The following DTWD2 variants were observed in gnomAD, a reference collection of about 807,000 sequenced individuals.
DTWD2 encodes the protein tRNA-uridine aminocarboxypropyltransferase 2.
In DTWD2, 39 loss-of-function variants were observed where a neutral mutation model predicts 31.8. The observed-to-expected ratio is 1.22, with a 90% confidence interval of 0.95 to 1.60. The LOEUF is 1.60. Among genes scored for constraint, DTWD2 ranks in the 40% most tolerant of loss-of-function variants. The pLI is 0.00. For missense variants in DTWD2, 515 were observed against 381.5 expected (o/e 1.35, Z -2.92); for synonymous variants, 180 against 142.8 (o/e 1.26, Z -1.86).
chr5:118,982,419 CAT>C (rs1179712029), intron 1 of DTWD2, among the ~76,000 whole-genome samples: 1 of 152,144 alleles, frequency 6.6e-6, no homozygotes, highest in Non-Finnish European at 1.5e-5. Flanking sequence ...TCCCTCTTGA[CAT>C]ATATCATTGC....
intron 1 of DTWD2, among the ~76,000 whole-genome samples, chr5:118,987,568 C>T (rs1372109346): frequency 6.6e-6 from 1 of 152,226 alleles, no homozygotes. Flanking sequence ...CTTTCCTTCA[C>T]TGCTTTTTTC....
intron 4 of DTWD2, among the ~76,000 whole-genome samples, chr5:118,890,339 T>A (rs1752950817): frequency 6.6e-6 from 1 of 152,148 alleles, no homozygotes; most frequent in South Asian, 2.1e-4. Flanking sequence ...GTAATTCACA[T>A]TTTATACATT....
chr5:118,895,553 A>T (rs1170099461), intron 4 of DTWD2, among the ~76,000 whole-genome samples: 3 of 152,228 alleles, frequency 2.0e-5, no homozygotes. Context: ...TGAATAGCTA[A>T]AGCAATTTTG....
chr5:118,913,432 T>TATATATAC (rs1554066461), intron 4 of DTWD2, among the ~76,000 whole-genome samples: 1 of 137,722 alleles, frequency 7.3e-6, no homozygotes, highest in Non-Finnish European at 1.6e-5. Context: ...TATATATATA[T>TATATATAC]ACACACACAC....
intron 3 of DTWD2, among the ~76,000 whole-genome samples, chr5:118,937,871 G>T (rs1019030988): frequency 6.6e-6 from 1 of 150,406 alleles, no homozygotes; most frequent in African/African-American, 2.4e-5. Context: ...CATGCATTTT[G>T]GCTTCACTTC....
chr5:118,921,260 T>C (rs1459777878), intron 4 of DTWD2, among the ~76,000 whole-genome samples: 1 of 152,040 alleles, frequency 6.6e-6, no homozygotes, highest in Non-Finnish European at 1.5e-5. Context: ...GGTAAAAAAG[T>C]AAATCCCTTG....
chr5:118,961,159 T>C (rs1222754661), intron 1 of DTWD2, among the ~76,000 whole-genome samples: 2 of 152,168 alleles, frequency 1.3e-5, no homozygotes, highest in Non-Finnish European at 2.9e-5. Flanking sequence ...GTCTCATGTC[T>C]AGAGAGATGA....
intron 4 of DTWD2, among the ~76,000 whole-genome samples, chr5:118,871,530 C>T (rs1259016788): frequency 6.6e-6 from 1 of 152,166 alleles, no homozygotes; most frequent in Admixed American, 6.5e-5. Context: ...GACGTTGTAT[C>T]AGCAGGAGTG....
At chr5:118,971,564 A>T (rs930128938) in intron 1 of DTWD2, among the ~76,000 whole-genome samples, 3 of 152,194 alleles carry the variant, frequency 2.0e-5, no homozygotes, top group Non-Finnish European at 4.4e-5. Context: ...ACAATATTAG[A>T]CAGATGATCA....
intron 5 of DTWD2, among the ~76,000 whole-genome samples, chr5:118,847,399 TA>T (rs963836068): frequency 6.6e-6 from 1 of 152,112 alleles, no homozygotes; most frequent in Non-Finnish European, 1.5e-5. Flanking sequence ...TTTCAATAAT[TA>T]AAAAACCCTA....
At position 118,980,515 on chromosome 5, in the gene DTWD2, AT is replaced by A. The variant is rs530912940; in HGVS notation, c.218+7778del. 5.9e-3 allele frequency among the ~76,000 whole-genome samples: 895 copies of A among 152,310 alleles called. 2 individuals are homozygous for A. Among genetic ancestry groups the A allele is most frequent in the Middle Eastern group, 0.01 (3 of 294 alleles). On this transcript the variant is annotated intron_variant, in intron 1 of 5. Coordinates refer to ENST00000510708, the MANE Select transcript of DTWD2 (RefSeq NM_173666.4). ...GCCTACCAAAAGGACTTGAATAGAC[AT>A]TTTTCCAAAGAAGATATGCAAATGG...
chr5:118,944,447 C>T, intron 2 of DTWD2, 112 bp downstream of exon 2: 1 of 1,103,220 alleles, frequency 9.1e-7, no homozygotes, highest in Non-Finnish European at 1.3e-6. Flanking sequence ...CATTTATCAC[C>T]AACTTCTTTT....
chr5:118,919,219 G>C (rs1281493331), intron 4 of DTWD2, among the ~76,000 whole-genome samples: 1 of 152,204 alleles, frequency 6.6e-6, no homozygotes, highest in Non-Finnish European at 1.5e-5. Context: ...GCTGGTGCAA[G>C]AGTTGGAAGC....
At chr5:118,900,146 T>A (rs1048842388) in intron 4 of DTWD2, among the ~76,000 whole-genome samples, 11 of 152,114 alleles carry the variant, frequency 7.2e-5, no homozygotes, top group African/African-American at 2.7e-4. Flanking sequence ...TCACCAACAT[T>A]ATGTTTATGT....
chr5:118,934,820 A>G (rs1418564224), intron 3 of DTWD2, among the ~76,000 whole-genome samples: 1 of 152,228 alleles, frequency 6.6e-6, no homozygotes, highest in African/African-American at 2.4e-5. Flanking sequence ...CCCATACCAT[A>G]TAAACACTAG....
At chr5:118,983,044 C>T (rs1056938751) in intron 1 of DTWD2, among the ~76,000 whole-genome samples, 5 of 152,152 alleles carry the variant, frequency 3.3e-5, no homozygotes, top group African/African-American at 7.2e-5. Flanking sequence ...AGTTATTCTA[C>T]ATTAACTACC....
intron 1 of DTWD2, among the ~76,000 whole-genome samples, chr5:118,980,448 G>A (rs1755275673): frequency 6.6e-6 from 1 of 152,232 alleles, no homozygotes; most frequent in Non-Finnish European, 1.5e-5. Flanking sequence ...TTTTGCCAGT[G>A]TCCATGAAAC....
chr5:118,845,835 A>C (rs1192304349), intron 5 of DTWD2, among the ~76,000 whole-genome samples: 2 of 152,212 alleles, frequency 1.3e-5, no homozygotes, highest in African/African-American at 4.8e-5. Flanking sequence ...AGTTGTCACA[A>C]TAAGGATTCC....
At chr5:118,847,963 A>G in intron 5 of DTWD2, 127 bp downstream of exon 5, 1 of 1,066,788 alleles carries the variant, frequency 9.4e-7, no homozygotes, top group African/African-American at 1.6e-5. Context: ...ATAAAAGTAC[A>G]TAAATTTCTA....
Sources: allele counts gnomAD v4.1 joint callset (sites outside exome capture counted in the v4.1 genomes callset), GRCh38; gene constraint gnomAD v4.1.1; transcripts MANE v1.5; gene names NCBI Gene and HGNC (gene_info 2026-07-23, HGNC 2026-07-21).